FAM107B: variants seen among roughly 807,000 people sequenced by gnomAD.
The protein encoded by FAM107B is family with sequence similarity 107 member B, also known as protein FAM107B.
FAM107B carries 21 observed loss-of-function variants against 31.5 expected under a neutral mutation model. The ratio of observed to expected loss-of-function variants is 0.67; its 90% confidence interval spans 0.47 to 0.96. The LOEUF (loss-of-function observed/expected upper bound fraction) is 0.96, where lower values mean the gene tolerates loss of function less well. FAM107B is among the 40% of genes least tolerant of loss of function. FAM107B has a pLI of 0.00. For synonymous variants in FAM107B, 157 were observed against 141.5 expected, an observed-to-expected ratio of 1.11 and a Z score of -0.78; for missense variants, 452 against 377.1, an observed-to-expected ratio of 1.20 and a Z score of -1.64.
At chr10:14,727,990 A>T (rs1195091162) in intron 1 of FAM107B, among the ~76,000 whole-genome samples, 7 of 152,182 alleles carry the variant, frequency 4.6e-5, no homozygotes, top group Admixed American at 4.6e-4. Context: ...TAACCCTATC[A>T]TCATATTCTC....
chr10:14,659,483 T>C (rs895841235), intron 2 of FAM107B, among the ~76,000 whole-genome samples: 2 of 148,830 alleles, frequency 1.3e-5, no homozygotes, highest in African/African-American at 4.9e-5. Context: ...CAAAAAACTG[T>C]CTGCCCTAAG....
At chr10:14,566,988 A>G (rs185896316) in intron 2 of FAM107B, among the ~76,000 whole-genome samples, 9 of 152,216 alleles carry the variant, frequency 5.9e-5, no homozygotes, top group South Asian at 2.1e-4. Flanking sequence ...CGTATCCACT[A>G]AAAAATACAA....
At chr10:14,724,988 C>T (rs1233579770) in intron 1 of FAM107B, among the ~76,000 whole-genome samples, 1 of 152,218 alleles carries the variant, frequency 6.6e-6, no homozygotes, top group Non-Finnish European at 1.5e-5. Context: ...TGCAAGGAAA[C>T]AACATTGCTT....
chr10:14,745,173 G>T (rs1832699933), intron 1 of FAM107B, among the ~76,000 whole-genome samples: 1 of 151,768 alleles, frequency 6.6e-6, no homozygotes. Context: ...ATTTTTTATT[G>T]TCTATTTGGT....
At chr10:14,611,602 G>T (rs1209565376) in intron 2 of FAM107B, among the ~76,000 whole-genome samples, 1 of 150,562 alleles carries the variant, frequency 6.6e-6, no homozygotes, top group Non-Finnish European at 1.5e-5. Context: ...TAGGACTAAA[G>T]AGATCTGCCT....
intron 2 of FAM107B, among the ~76,000 whole-genome samples, chr10:14,539,016 C>T (rs547741955): frequency 6.6e-6 from 1 of 152,366 alleles, no homozygotes; most frequent in South Asian, 2.1e-4. Flanking sequence ...CTACCATCCA[C>T]AGTACTTGCC....
At chr10:14,578,010 T>G (rs1417848439) in intron 2 of FAM107B, among the ~76,000 whole-genome samples, 1 of 152,180 alleles carries the variant, frequency 6.6e-6, no homozygotes, top group Non-Finnish European at 1.5e-5. Flanking sequence ...GTCCTAAAGC[T>G]GACACCCATT....
intron 2 of FAM107B, among the ~76,000 whole-genome samples, chr10:14,625,827 A>G (rs1486193974): frequency 7.0e-6 from 1 of 143,062 alleles, no homozygotes; most frequent in Non-Finnish European, 1.5e-5. Flanking sequence ...GTACAACACA[A>G]CAAGCAAAAC....
At chr10:14,659,564 C>A (rs984338238) in intron 2 of FAM107B, among the ~76,000 whole-genome samples, 7 of 152,230 alleles carry the variant, frequency 4.6e-5, no homozygotes, top group African/African-American at 1.4e-4. Context: ...CCTACCTCAA[C>A]TGTTTTCTGT....
intron 2 of FAM107B, among the ~76,000 whole-genome samples, chr10:14,578,571 G>A (rs1323018424): frequency 6.6e-6 from 1 of 152,148 alleles, no homozygotes; most frequent in Non-Finnish European, 1.5e-5. Context: ...TTCTGGTCCT[G>A]TTTATAGAGT....
chr10:14,772,040 C>T (rs1023888956), intron 1 of FAM107B, among the ~76,000 whole-genome samples: 4 of 152,124 alleles, frequency 2.6e-5, no homozygotes, highest in African/African-American at 9.7e-5. Context: ...TCCATGCCCT[C>T]CTCTGTAACA....
chr10:14,636,064 G>A (rs1276610683), intron 2 of FAM107B, among the ~76,000 whole-genome samples: 2 of 152,136 alleles, frequency 1.3e-5, no homozygotes, highest in South Asian at 2.1e-4. Context: ...ATGAGAAAAT[G>A]TGTTCCAAGT....
At chr10:14,680,377 C>A (rs1386582711) in intron 1 of FAM107B, among the ~76,000 whole-genome samples, 1 of 151,974 alleles carries the variant, frequency 6.6e-6, no homozygotes, top group Non-Finnish European at 1.5e-5. Flanking sequence ...AGTTCGAGAC[C>A]AGCCAGACCA....
chr10:14,725,987 G>A (rs1018942708), intron 1 of FAM107B, among the ~76,000 whole-genome samples: 3 of 146,182 alleles, frequency 2.1e-5, no homozygotes, highest in South Asian at 2.1e-4. Context: ...CATCACACCC[G>A]GCTAATTTTT....
intron 1 of FAM107B, among the ~76,000 whole-genome samples, chr10:14,750,441 G>A (rs979556737): frequency 6.6e-6 from 1 of 152,108 alleles, no homozygotes; most frequent in Non-Finnish European, 1.5e-5. Flanking sequence ...GTGAAACCCT[G>A]TCTCTATTAA....
At chr10:14,671,885 C>CAAA (rs1277490948) in intron 1 of FAM107B, among the ~76,000 whole-genome samples, 1 of 38,744 alleles carries the variant, frequency 2.6e-5, no homozygotes. Flanking sequence ...AAAAAAAAAA[C>CAAA]AAAAAAACAA....
chr10:14,583,317 T>C (rs7078538), intron 2 of FAM107B, among the ~76,000 whole-genome samples: 118,804 of 151,982 alleles, frequency 0.78, 47,313 homozygotes, highest in East Asian at 0.92. Context: ...TGTGTCTTAT[T>C]TGAGAGTCAG....
intron 2 of FAM107B, among the ~76,000 whole-genome samples, chr10:14,536,198 T>C (rs955057009): frequency 3.0e-4 from 46 of 152,248 alleles, no homozygotes; most frequent in African/African-American, 1.1e-3. Flanking sequence ...TTTACCTAAA[T>C]ATATAAGACC....
chr10:14,548,621 G>T, intron 2 of FAM107B: 1 of 985,478 alleles, frequency 1.0e-6, no homozygotes, highest in Non-Finnish European at 1.2e-6. Context: ...CCCCTGAGGA[G>T]GGCTCTCTCC....
Sources: allele counts gnomAD v4.1 joint callset (sites outside exome capture counted in the v4.1 genomes callset), GRCh38; gene constraint gnomAD v4.1.1; transcripts MANE v1.5; gene names NCBI Gene and HGNC (gene_info 2026-07-23, HGNC 2026-07-21).